Variants in PIK3R5 observed in about 807,000 individuals in gnomAD.
The protein encoded by PIK3R5 is phosphoinositide-3-kinase regulatory subunit 5, also known as phosphoinositide 3-kinase regulatory subunit 5.
PIK3R5 carries 32 observed loss-of-function variants against 94.9 expected under a neutral mutation model. That is an observed-to-expected ratio of 0.34 (90% confidence interval 0.25 to 0.45). The LOEUF is 0.45. Among genes scored for constraint, PIK3R5 ranks in the 20% least tolerant of loss-of-function variants. The probability of loss-of-function intolerance (pLI) is 1.00; values close to 1 mark genes in which losing one functional copy is unlikely to be tolerated. For synonymous variants in PIK3R5, 443 were observed against 479.4 expected, an observed-to-expected ratio of 0.92 and a Z score of 0.99; for missense variants, 853 against 1,144.6, an observed-to-expected ratio of 0.75 and a Z score of 3.68.
intron 3 of PIK3R5, 89 bp from the exon 4 acceptor site, chr17:8,905,826 CCTTT>C: frequency 6.0e-6 from 4 of 666,826 alleles, no homozygotes; most frequent in Non-Finnish European, 9.3e-6. Flanking sequence ...CTCATTCTAG[CCTTT>C]CTTTTTTTTT....
Position 8,892,480 on chromosome 17 carries a change from A to G in PIK3R5, c.482+1106T>C, listed in dbSNP as rs1370963836. Among the ~76,000 whole-genome samples, 3 of 152,014 alleles carry G rather than the reference A, an allele frequency of 2.0e-5. No individual in the cohort carries two copies. Among genetic ancestry groups the G allele is most frequent in the African/African-American group, 7.3e-5 (3 of 41,374 alleles). On this transcript the variant is annotated intron_variant, in intron 6 of 18. Coordinates refer to ENST00000447110, the MANE Select transcript of PIK3R5 (RefSeq NM_001142633.3). This position sits in a 1 kb window ranked among gnomAD's most constrained non-coding sequence, Gnocchi z 4.3. ...AATCTCTCGGTGCCTCACTTCCCTTATGTGAAAAATCCCTTTCTCACGGGG... is the reference window on the plus strand; with the variant it reads ...AATCTCTCGGTGCCTCACTTCCCTTGTGTGAAAAATCCCTTTCTCACGGGG...
intron 1 of PIK3R5, among the ~76,000 whole-genome samples, chr17:8,940,685 C>T (rs959459232): frequency 2.4e-4 from 36 of 152,106 alleles, no homozygotes; most frequent in Admixed American, 2.0e-3. Context: ...CTCAGCCTTC[C>T]GAGTAGCTGG....
At position 8,886,191 on chromosome 17, in the gene PIK3R5, C is replaced by T. The variant is rs750893114; in HGVS notation, c.2128+38G>A. 8.6e-6 allele frequency: 13 copies of T among 1,512,206 alleles called. No homozygotes were observed. The Admixed American group carries it at 2.2e-4, about 25-fold the overall frequency. The allele number at this position is 1,512,206 out of a possible 1,614,324, so 93.7% of individuals were successfully genotyped here. ...GAGCTCCACGTTTCGCGTCCCAGGCCCCGCCTCACCGTCTGTCTCTGCTCA... is the reference window on the plus strand; with the variant it reads ...GAGCTCCACGTTTCGCGTCCCAGGCTCCGCCTCACCGTCTGTCTCTGCTCA... On this transcript the variant is annotated intron_variant, in intron 14 of 18. Coordinates refer to ENST00000447110, the MANE Select transcript of PIK3R5 (RefSeq NM_001142633.3).
Position 8,904,860 on chromosome 17 carries a change from T to C in PIK3R5, c.329A>G (p.His110Arg). The C allele has an allele frequency of 1.2e-6, 2 of 1,613,858 alleles. No homozygotes were observed. The highest frequency in any genetic ancestry group is 1.7e-6 in the Non-Finnish European group (2 of 1,179,970). ...DLLLKAASTY[H>R]RFLTWPVPYC... ...AGGAACAGGCCAGGTCAGGAACCGG[T>C]GGTAGGTGCTGGCTGCCTTCAGAAG... The change falls in exon 5 of 19, where the codon CAC becomes CGC. Residue 110 changes from histidine (H) to arginine (R), a missense_variant. By Grantham distance (29) the His-to-Arg change is conservative. Around this residue, in one of 6 missense-constraint regions of PIK3R5, gnomAD observed 108 missense variants for 170.1 expected, o/e 0.63. Transcript: ENST00000447110. This position sits in a 1 kb window ranked among gnomAD's most constrained non-coding sequence, Gnocchi z 5.1.
At chr17:8,895,870 A>C (rs539268939) in intron 5 of PIK3R5, among the ~76,000 whole-genome samples, 3 of 152,236 alleles carry the variant, frequency 2.0e-5, no homozygotes, top group East Asian at 3.9e-4. Context: ...TGAATACCCA[A>C]GGTACCAACA....
chr17:8,961,603 C>T (rs2091566107), intron 1 of PIK3R5, among the ~76,000 whole-genome samples: 1 of 152,042 alleles, frequency 6.6e-6, no homozygotes, highest in Non-Finnish European at 1.5e-5. Context: ...GCACTGCATT[C>T]CGTCCCGTGT....
intron 1 of PIK3R5, among the ~76,000 whole-genome samples, chr17:8,939,149 G>A (rs1175180309): frequency 6.6e-6 from 1 of 152,142 alleles, no homozygotes; most frequent in Non-Finnish European, 1.5e-5. Flanking sequence ...ATAAGGAAAC[G>A]ATGGCTCTGA....
chr17:8,885,161 C>A (rs1314846657), intron 14 of PIK3R5: 1 of 264,762 alleles, frequency 3.8e-6, no homozygotes. Context: ...GGTAACCCTG[C>A]CTCCCCAGGG....
intron 1 of PIK3R5, among the ~76,000 whole-genome samples, chr17:8,927,700 GT>G (rs147998479): frequency 2.0e-5 from 3 of 151,574 alleles, no homozygotes; most frequent in East Asian, 1.9e-4. Flanking sequence ...ACTTAGATAT[GT>G]TTTTTTTTGG....
chr17:8,946,439 C>G (rs536136397), intron 1 of PIK3R5, among the ~76,000 whole-genome samples: 4 of 151,830 alleles, frequency 2.6e-5, no homozygotes, highest in African/African-American at 9.7e-5. Flanking sequence ...GGAGATGGCG[C>G]CGTCTGCCAG....
In PIK3R5 at chr17:8,888,539, C is replaced by A. The variant is rs1167046038; in HGVS notation, c.1248G>T (p.Arg416Ser). 2 of 1,611,762 alleles carry A rather than the reference C, an allele frequency of 1.2e-6. No individual in the cohort carries two copies. Among genetic ancestry groups the A allele is most frequent in the South Asian group, 2.2e-5 (2 of 90,922 alleles). Residue 416 changes from arginine (R) to serine (S), a missense_variant, in exon 10 of 19, where the codon AGG becomes AGT. Around this residue, in one of 6 missense-constraint regions of PIK3R5, gnomAD observed 319 missense variants for 339.8 expected, o/e 0.94. Transcript: ENST00000447110. The surrounding 1 kb of genome is among the most constrained non-coding windows in gnomAD (Gnocchi z 7.8). ...RGSQERRGHR[R>S]PGQKFIRIYK... ...AGATCCTGATGAACTTCTGCCCAGG[C>A]CTGCGGTGGCCTCGGCGTTCCTGGC...
chr17:8,946,941 C>T (rs1018007993), intron 1 of PIK3R5, among the ~76,000 whole-genome samples: 1 of 152,110 alleles, frequency 6.6e-6, no homozygotes, highest in African/African-American at 2.4e-5. Flanking sequence ...ATACATTTTG[C>T]TTTTGTACTG....
rs369570873 is a variant in PIK3R5 at position 8,887,120 on chromosome 17, G to A, written c.1881C>T (p.His627=). 2.0e-5 allele frequency: 33 copies of A among 1,613,950 alleles called. No individual in the cohort carries two copies. Among genetic ancestry groups the A allele is most frequent in the Non-Finnish European group, 2.7e-5 (32 of 1,180,020 alleles). ...CCTGGCACAGGACTTCAGGGGGCAG[G>A]TGCATGAGGCCCAGTACATTGCGCT... ...WYERNVLGLM[H]LPPEVLCQQS... The change falls in exon 12 of 19, where the codon CAC becomes CAT. Residue 627 remains histidine (H), a synonymous_variant. Coordinates refer to ENST00000447110, the MANE Select transcript of PIK3R5 (RefSeq NM_001142633.3).
intron 1 of PIK3R5, among the ~76,000 whole-genome samples, chr17:8,923,192 T>C (rs2090789389): frequency 6.6e-6 from 1 of 152,184 alleles, no homozygotes; most frequent in African/African-American, 2.4e-5. Context: ...TCAGCTCCTG[T>C]TGGCTAAAAG....
At chr17:8,939,443 A>G (rs2091135063) in intron 1 of PIK3R5, among the ~76,000 whole-genome samples, 1 of 152,234 alleles carries the variant, frequency 6.6e-6, no homozygotes, top group Non-Finnish European at 1.5e-5. Context: ...AACTATTTTT[A>G]AATCATCAGA....
At chr17:8,910,396 G>A (rs1372845000) in intron 2 of PIK3R5, among the ~76,000 whole-genome samples, 2 of 152,170 alleles carry the variant, frequency 1.3e-5, no homozygotes, top group Non-Finnish European at 2.9e-5. Flanking sequence ...CAAAACCTGG[G>A]TAGCAGGCAA....
At chr17:8,886,354 G>T in intron 13 of PIK3R5, 32 bp from the exon 14 acceptor site, 1 of 1,600,752 alleles carries the variant, frequency 6.2e-7, no homozygotes, top group South Asian at 1.1e-5. Flanking sequence ...ACATCAGTGT[G>T]AACCTCCTGG....
intron 1 of PIK3R5, among the ~76,000 whole-genome samples, chr17:8,939,507 C>T (rs2091136236): frequency 6.6e-6 from 1 of 152,032 alleles, no homozygotes; most frequent in African/African-American, 2.4e-5. Context: ...TAATAAAAGC[C>T]CAGCAGTGAG....
intron 1 of PIK3R5, among the ~76,000 whole-genome samples, chr17:8,912,757 C>T (rs1314375314): frequency 2.6e-5 from 4 of 152,222 alleles, no homozygotes; most frequent in South Asian, 2.1e-4. Flanking sequence ...GGTTCAGCTG[C>T]GCGGCTAGAG....
Sources: gnomAD v4.1 joint callset for allele counts (sites outside exome capture counted in the v4.1 genomes callset) on GRCh38, gnomAD v4.1.1 for gene constraint, gnomAD v4.1.1 regional missense constraint, Gnocchi (gnomAD v3.1) non-coding constraint, MANE v1.5 for transcripts, NCBI Gene and HGNC (gene_info 2026-07-23, HGNC 2026-07-21) for gene names.